Variants in RAD50 observed in about 807,000 individuals in gnomAD.
The protein encoded by RAD50 is DNA repair protein RAD50.
In RAD50, 132 loss-of-function variants were observed where a neutral mutation model predicts 168.8. The observed-to-expected ratio is 0.78, with a 90% CI of 0.68 to 0.90. The LOEUF (loss-of-function observed/expected upper bound fraction) is 0.90, where lower values mean the gene tolerates loss of function less well. RAD50 is among the 40% of genes least tolerant of loss of function. RAD50 has a pLI of 0.00. For missense variants in RAD50, 1,347 were observed against 1,534.4 expected, an observed-to-expected ratio of 0.88 and a Z score of 2.04; for synonymous variants, 525 against 497.4, an observed-to-expected ratio of 1.06 and a Z score of -0.74.
In RAD50 at chr5:132,642,588, G is replaced by T; in HGVS notation, c.*224G>T. 3.5e-6 allele frequency: 2 copies of T among 576,888 alleles called. No individual in the cohort carries two copies. The highest frequency in any genetic ancestry group is 3.0e-5 in the East Asian group (1 of 33,412). The allele number at this position is 576,888 out of a possible 1,614,324, so 35.7% of individuals were successfully genotyped here. ...TTTGCTGCTCTTCATCCCATTCCAG[G>T]CAGCCTCTGTCAGGCCTTCAGGGTT... On this transcript the variant is annotated 3_prime_UTR_variant, in exon 25 of 25. Coordinates refer to ENST00000378823, the MANE Select transcript of RAD50 (RefSeq NM_005732.4).
chr5:132,611,522 G>T (rs182987209), intron 19 of RAD50, among the ~76,000 whole-genome samples: 9 of 151,368 alleles, frequency 5.9e-5, no homozygotes, highest in African/African-American at 2.2e-4. Flanking sequence ...TGGCTAACAC[G>T]CCGAAACCCC....
intron 19 of RAD50, among the ~76,000 whole-genome samples, chr5:132,615,176 G>A (rs1252540568): frequency 1.3e-5 from 2 of 152,142 alleles, no homozygotes; most frequent in Non-Finnish European, 2.9e-5. Flanking sequence ...CTTAAAAACT[G>A]TTTTCTAATG....
chr5:132,580,957 A>AAT (rs1414382285), intron 5 of RAD50, among the ~76,000 whole-genome samples: 1 of 152,150 alleles, frequency 6.6e-6, no homozygotes, highest in East Asian at 1.9e-4. Context: ...TGAAGTAGAA[A>AAT]ATATATATAT....
At position 132,608,713 on chromosome 5, in the gene RAD50, A is replaced by G. The variant is rs1554099331; in HGVS notation, c.2817A>G (p.Ile939Met). 6.3e-7 allele frequency: 1 copy of G among 1,584,270 alleles called. No homozygotes were observed. The highest frequency in any genetic ancestry group is 1.7e-5 in the Admixed American group (1 of 58,158). ...LINKKNTSNK[I>M]AQDKLNDIKE... ...ACAAAAAAAATACAAGCAACAAAAT[A>G]GCACAGGATAAAGTAAGATTTCATT... Residue 939 changes from isoleucine to methionine, a missense_variant, in exon 17 of 25, where the codon ATA (isoleucine) becomes ATG (methionine). Coordinates refer to ENST00000378823, the MANE Select transcript of RAD50 (RefSeq NM_005732.4).
At chr5:132,613,301 G>T (rs1293196439) in intron 19 of RAD50, among the ~76,000 whole-genome samples, 1 of 152,112 alleles carries the variant, frequency 6.6e-6, no homozygotes, top group East Asian at 1.9e-4. Flanking sequence ...AGGAATATAT[G>T]AAGAGAACTG....
chr5:132,608,980 G>A (rs1488740613), intron 17 of RAD50, 137 bp from the exon 18 acceptor site: 2 of 1,331,246 alleles, frequency 1.5e-6, no homozygotes, highest in Non-Finnish European at 2.0e-6. Flanking sequence ...AAAGGGACTT[G>A]TCTGCGATCA....
chr5:132,616,149 CTT>C lies in RAD50; in HGVS notation c.3164+20_3164+21del. On this transcript the variant is annotated intron_variant, in intron 20 of 24. Transcript: ENST00000378823. Reference sequence around the variant, plus strand: ...TGAAAAGGTATGCTTTTAAAATAATCTTCAGTTTAAATAAACGTCTTTATTAC... The same window carrying C: ...TGAAAAGGTATGCTTTTAAAATAATCCAGTTTAAATAAACGTCTTTATTAC... 6.2e-7 allele frequency: 1 copy of C among 1,605,964 alleles called. No homozygotes were observed. Among genetic ancestry groups the C allele is most frequent in the Non-Finnish European group, 8.5e-7 (1 of 1,173,992 alleles).
intron 21 of RAD50, among the ~76,000 whole-genome samples, chr5:132,622,245 C>T (rs768294133): frequency 2.9e-4 from 44 of 152,166 alleles, no homozygotes; most frequent in Middle Eastern, 3.4e-3. Context: ...ACTGCAGCCT[C>T]CACCTCCTGA....
At chr5:132,616,565 A>G (rs1751181739) in intron 20 of RAD50, among the ~76,000 whole-genome samples, 1 of 152,170 alleles carries the variant, frequency 6.6e-6, no homozygotes, top group African/African-American at 2.4e-5. Flanking sequence ...TGTCCACCAG[A>G]GCATTTCTTT....
Position 132,594,801 on chromosome 5 carries a change from GCCTACTCAAATTTTCAAACTAATTT to G in RAD50, c.1794-66_1794-42del. On this transcript the variant is annotated intron_variant, in intron 11 of 24. Coordinates refer to ENST00000378823, the MANE Select transcript of RAD50 (RefSeq NM_005732.4). ...TGTTGGCAGAATTTGTCTTGTTTTT[GCCTACTCAAATTTTCAAACTAATTT>G]CTCCTATTTTAAAATGAAAATCCAT... 4 of 1,448,686 alleles carry G rather than the reference GCCTACTCAAATTTTCAAACTAATTT, an allele frequency of 2.8e-6. No individual in the cohort carries two copies. In the South Asian group the frequency reaches 4.7e-5, roughly 17 times the overall value. 89.7% of individuals were successfully genotyped at this position (1,448,686 alleles called of 1,614,324 possible).
At chr5:132,577,555 T>C (rs1750420785) in intron 3 of RAD50, among the ~76,000 whole-genome samples, 1 of 152,226 alleles carries the variant, frequency 6.6e-6, no homozygotes, top group Non-Finnish European at 1.5e-5. Flanking sequence ...GATACAATAC[T>C]GTTCTCTCTT....
rs786203485 is a variant in RAD50 at position 132,579,363 on chromosome 5, C to A, written c.412C>A (p.Arg138=). 6.2e-7 allele frequency: 1 copy of A among 1,613,756 alleles called. No individual in the cohort carries two copies. The highest frequency in any genetic ancestry group is 8.5e-7 in the Non-Finnish European group (1 of 1,179,850). ...GAGCTCTAAGTGTGCAGAAATTGAC[C>A]GAGAAATGATCAGTTCTCTTGGGGT... ...SLSSKCAEID[R]EMISSLGVSK... The change falls in exon 4 of 25, where the codon CGA becomes AGA. Residue 138 remains arginine (R), a synonymous_variant. Coordinates refer to ENST00000378823, the MANE Select transcript of RAD50 (RefSeq NM_005732.4).
At chr5:132,562,113 G>A (rs1750134427) in intron 2 of RAD50, among the ~76,000 whole-genome samples, 1 of 152,172 alleles carries the variant, frequency 6.6e-6, no homozygotes, top group South Asian at 2.1e-4. Flanking sequence ...TGGTTGGTGT[G>A]TTCAAGGAAT....
intron 13 of RAD50, among the ~76,000 whole-genome samples, chr5:132,602,465 A>G (rs1351744567): frequency 6.6e-6 from 1 of 152,224 alleles, no homozygotes; most frequent in African/African-American, 2.4e-5. Context: ...CATTAGCTAC[A>G]GTAGTGAGTA....
intron 19 of RAD50, among the ~76,000 whole-genome samples, chr5:132,614,986 T>C (rs1356274690): frequency 6.6e-6 from 1 of 152,220 alleles, no homozygotes; most frequent in East Asian, 1.9e-4. Context: ...TCCATCTCTC[T>C]CACTTCCCAT....
At chr5:132,631,423 C>T (rs188166992) in intron 21 of RAD50, among the ~76,000 whole-genome samples, 1 of 151,938 alleles carries the variant, frequency 6.6e-6, no homozygotes, top group African/African-American at 2.4e-5. Flanking sequence ...CCTGGCCTCT[C>T]ACTTTAAGAG....
intron 11 of RAD50, among the ~76,000 whole-genome samples, chr5:132,594,429 C>CA (rs1750753709): frequency 1.3e-5 from 2 of 152,044 alleles, no homozygotes; most frequent in South Asian, 4.2e-4. Context: ...GATCTGGACG[C>CA]AAGTGGATGA....
chr5:132,595,153 G>T, intron 12 of RAD50, 109 bp downstream of exon 12: 1 of 1,223,544 alleles, frequency 8.2e-7, no homozygotes, highest in Non-Finnish European at 1.2e-6. Context: ...GAGCCTAATG[G>T]CTTGGATTTC....
intron 13 of RAD50, among the ~76,000 whole-genome samples, chr5:132,597,292 G>A (rs1343080807): frequency 6.6e-6 from 1 of 152,076 alleles, no homozygotes; most frequent in Non-Finnish European, 1.5e-5. Context: ...AGTAATCTCG[G>A]CCTCTTGGTA....
Sources: gnomAD v4.1 joint callset for allele counts (sites outside exome capture counted in the v4.1 genomes callset) on GRCh38, gnomAD v4.1.1 for gene constraint, MANE v1.5 for transcripts, NCBI Gene and HGNC (gene_info 2026-07-23, HGNC 2026-07-21) for gene names.